ADAMTSL1: variants seen among roughly 807,000 people sequenced by gnomAD.
ADAMTSL1 encodes ADAMTS-like protein 1.
Under a neutral mutation model 201.8 loss-of-function variants are expected in ADAMTSL1, and 126 were observed. The ratio of observed to expected loss-of-function variants is 0.62; its 90% CI spans 0.54 to 0.72. The LOEUF (loss-of-function observed/expected upper bound fraction) is 0.72, where lower values mean the gene tolerates loss of function less well. Ranked by LOEUF, ADAMTSL1 falls within the 30% of genes least tolerant of loss-of-function variation. The pLI, the probability that ADAMTSL1 is intolerant of heterozygous loss-of-function variation, is 0.00. For synonymous variants in ADAMTSL1, 1,121 were observed against 903.4 expected (o/e 1.24, Z -4.32); for missense variants, 2,679 against 2,277.8 (o/e 1.18, Z -3.59).
At chr9:18,161,850 A>G (rs1026225437) in intron 1 of ADAMTSL1, among the ~76,000 whole-genome samples, 1 of 152,040 alleles carries the variant, frequency 6.6e-6, no homozygotes, top group Non-Finnish European at 1.5e-5. Context: ...AGAAGGCTAC[A>G]TTTCCATGAA....
chr9:18,806,504 G>C (rs1313135223), intron 20 of ADAMTSL1, among the ~76,000 whole-genome samples: 1 of 152,210 alleles, frequency 6.6e-6, no homozygotes, highest in Non-Finnish European at 1.5e-5. Context: ...GCAGAGGCCT[G>C]GGATTCAGCC....
intron 15 of ADAMTSL1, among the ~76,000 whole-genome samples, chr9:18,747,283 C>G (rs1819204577): frequency 6.6e-6 from 1 of 152,158 alleles, no homozygotes; most frequent in African/African-American, 2.4e-5. Context: ...AATGGGGAAA[C>G]TTACAGTACC....
chr9:18,039,439 A>G (rs1031422915), intron 1 of ADAMTSL1, among the ~76,000 whole-genome samples: 1 of 152,178 alleles, frequency 6.6e-6, no homozygotes, highest in Admixed American at 6.5e-5. Context: ...TAATAAGTCA[A>G]CAGTGTCTTT....
chr9:18,306,607 A>G (rs1015419948), intron 2 of ADAMTSL1, among the ~76,000 whole-genome samples: 58 of 152,172 alleles, frequency 3.8e-4, no homozygotes, highest in African/African-American at 1.4e-3. Flanking sequence ...TTGAAGATCA[A>G]CTTGATGAAA....
chr9:18,000,643 G>A (rs1236666340), intron 1 of ADAMTSL1, among the ~76,000 whole-genome samples: 1 of 152,038 alleles, frequency 6.6e-6, no homozygotes, highest in Non-Finnish European at 1.5e-5. Context: ...TCACTTAGCG[G>A]ATGTTTAATA....
intron 21 of ADAMTSL1, among the ~76,000 whole-genome samples, chr9:18,818,777 G>T (rs545020438): frequency 6.6e-6 from 1 of 151,726 alleles, no homozygotes. Context: ...GTGACAGAGC[G>T]AGACCCTATC....
At chr9:17,954,022 A>C (rs898991908) in intron 1 of ADAMTSL1, among the ~76,000 whole-genome samples, 3 of 152,048 alleles carry the variant, frequency 2.0e-5, no homozygotes, top group African/African-American at 4.8e-5. Flanking sequence ...TTCATTCACG[A>C]GTCTGGAGTC....
chr9:18,696,523 G>C (rs1021817293), intron 13 of ADAMTSL1, among the ~76,000 whole-genome samples: 1 of 152,178 alleles, frequency 6.6e-6, no homozygotes, highest in Non-Finnish European at 1.5e-5. Flanking sequence ...GATTCCCCTA[G>C]CTACATCATT....
chr9:18,887,440 T>C (rs1257445485), intron 23 of ADAMTSL1, among the ~76,000 whole-genome samples: 1 of 152,234 alleles, frequency 6.6e-6, no homozygotes, highest in East Asian at 1.9e-4. Flanking sequence ...CTATATAGTA[T>C]GGTATTTTTT....
intron 1 of ADAMTSL1, among the ~76,000 whole-genome samples, chr9:18,503,915 C>G (rs1225393590): frequency 6.6e-6 from 1 of 152,018 alleles, no homozygotes; most frequent in East Asian, 1.9e-4. Context: ...TAGCACTCTG[C>G]TCCGGCACTA....
chr9:18,541,543 G>A (rs538694427), intron 3 of ADAMTSL1, among the ~76,000 whole-genome samples: 3 of 152,024 alleles, frequency 2.0e-5, no homozygotes, highest in African/African-American at 7.2e-5. Flanking sequence ...TGGGTGGGAG[G>A]AGTGTGGAGA....
intron 3 of ADAMTSL1, among the ~76,000 whole-genome samples, chr9:18,541,465 G>A (rs1820139178): frequency 1.3e-5 from 2 of 151,592 alleles, no homozygotes; most frequent in South Asian, 2.1e-4. Context: ...AGCTGAGATC[G>A]TGTCATTGCA....
intron 2 of ADAMTSL1, among the ~76,000 whole-genome samples, chr9:18,370,162 C>T (rs1396908446): frequency 6.6e-6 from 1 of 151,994 alleles, no homozygotes; most frequent in East Asian, 1.9e-4. Flanking sequence ...TGCCTGTAAT[C>T]CCAGCTACTT....
At chr9:18,458,190 A>C (rs1255970184) in intron 2 of ADAMTSL1, among the ~76,000 whole-genome samples, 7 of 152,218 alleles carry the variant, frequency 4.6e-5, no homozygotes, top group Admixed American at 1.3e-4. Context: ...TTTCATTTAA[A>C]CCAAGAGTTT....
chr9:18,756,277 TCGA>T (rs1819762306), intron 16 of ADAMTSL1, among the ~76,000 whole-genome samples: 1 of 53,914 alleles, frequency 1.9e-5, no homozygotes, highest in Non-Finnish European at 3.7e-5. Context: ...AGACTCTGTC[TCGA>T]CAAAAAAAAA....
intron 1 of ADAMTSL1, among the ~76,000 whole-genome samples, chr9:17,936,858 G>A (rs1827030270): frequency 1.3e-5 from 2 of 152,160 alleles, no homozygotes; most frequent in Non-Finnish European, 2.9e-5. Flanking sequence ...CAGTGGTACA[G>A]GCAGTGAGTT....
rs564564480 is a variant in ADAMTSL1, at chr9:18,051,129, A to G, written c.88-112733A>G. Among the ~76,000 whole-genome samples, 111 of 152,168 alleles carry G rather than the reference A, an allele frequency of 7.3e-4. No individual in the cohort carries two copies. The Middle Eastern group carries it at 0.01, about 14-fold the overall frequency. On this transcript the variant is annotated intron_variant, in intron 1 of 29. Transcript: ENST00000680146. Reference sequence around the variant, plus strand: ...ATCCTGGCTAACATAGTGAAACCCCATCTCTACTAAAAATACAAAAAATTA... The same window carrying G: ...ATCCTGGCTAACATAGTGAAACCCCGTCTCTACTAAAAATACAAAAAATTA...
chr9:18,577,756 G>A (rs1016877196), intron 4 of ADAMTSL1, among the ~76,000 whole-genome samples: 8 of 151,916 alleles, frequency 5.3e-5, no homozygotes, highest in Non-Finnish European at 1.2e-4. Context: ...TAACTGTAAC[G>A]TTTCAAAAAA....
In ADAMTSL1 at chr9:18,627,667, T is replaced by C. The variant is rs73644623; in HGVS notation, c.601+5298T>C. Among the ~76,000 whole-genome samples, 748 of 152,346 alleles carry C rather than the reference T, an allele frequency of 4.9e-3. 9 individuals carry two copies. The highest frequency in any genetic ancestry group is 0.017 in the African/African-American group (712 of 41,588). On this transcript the variant is annotated intron_variant, in intron 5 of 28. Transcript: ENST00000380548. The stretch of plus-strand genomic sequence containing the variant: ...ATCTCTCTCTGACTCAAGCTTCCTC[T>C]TCTGCCTGCCTCTTCCATATTAAAG...
Sources: allele counts gnomAD v4.1 joint callset (sites outside exome capture counted in the v4.1 genomes callset), GRCh38; gene constraint gnomAD v4.1.1; transcripts MANE v1.5; gene names NCBI Gene and HGNC (gene_info 2026-07-23, HGNC 2026-07-21).